ALK: variants seen among roughly 807,000 people sequenced by gnomAD.
The protein encoded by ALK is ALK receptor tyrosine kinase.
Under a neutral mutation model 163.1 loss-of-function variants are expected in ALK, and 74 were observed. The ratio of observed to expected loss-of-function variants is 0.45; its 90% CI spans 0.38 to 0.55. The LOEUF is 0.55. Ranked by LOEUF, ALK falls within the 20% of genes least tolerant of loss-of-function variation. The probability of loss-of-function intolerance (pLI) is 0.00; values close to 1 mark genes in which losing one functional copy is unlikely to be tolerated. For missense variants in ALK, 2,063 were observed against 2,105.3 expected (o/e 0.98, Z 0.39); for synonymous variants, 960 against 843.2 (o/e 1.14, Z -2.40).
At chr2:29,798,454 T>C (rs1395783564) in intron 1 of ALK, among the ~76,000 whole-genome samples, 1 of 152,258 alleles carries the variant, frequency 6.6e-6, no homozygotes, top group Non-Finnish European at 1.5e-5. Flanking sequence ...GTTTAAAATT[T>C]AGAAACCATA....
At chr2:29,646,562 GC>G (rs1490380249) in intron 3 of ALK, among the ~76,000 whole-genome samples, 1 of 152,070 alleles carries the variant, frequency 6.6e-6, no homozygotes, top group Non-Finnish European at 1.5e-5. Flanking sequence ...CTGCCCTGAA[GC>G]CTCTTTGACC....
In ALK at chr2:29,900,603, A is replaced by G. The variant is rs141115975; in HGVS notation, c.667+19390T>C. 2.0e-4 allele frequency among the ~76,000 whole-genome samples: 31 copies of G among 152,346 alleles called. No homozygotes were observed. In the East Asian group the frequency reaches 5.6e-3, roughly 28 times the overall value. On this transcript the variant is annotated intron_variant, in intron 1 of 28. Coordinates refer to ENST00000389048, the MANE Select transcript of ALK (RefSeq NM_004304.5). ...TTGCACAGAGTGGGTACTTCACTCA[A>G]TGTCTATCCGCAGTCAAAATGACAG...
chr2:29,765,365 C>T (rs1370913785), intron 1 of ALK, among the ~76,000 whole-genome samples: 1 of 152,196 alleles, frequency 6.6e-6, no homozygotes, highest in East Asian at 1.9e-4. Context: ...CCCAGCTTCT[C>T]ATGAGCTCTC....
intron 6 of ALK, among the ~76,000 whole-genome samples, chr2:29,325,304 A>G (rs931288070): frequency 6.6e-6 from 1 of 152,104 alleles, no homozygotes; most frequent in East Asian, 1.9e-4. Context: ...AGTCAAGAGT[A>G]TTTTCCTATG....
At chr2:29,588,419 T>C (rs1674951615) in intron 3 of ALK, among the ~76,000 whole-genome samples, 1 of 152,002 alleles carries the variant, frequency 6.6e-6, no homozygotes, top group South Asian at 2.1e-4. Context: ...TTAGTAGAGA[T>C]GGGGTTTTGC....
intron 4 of ALK, among the ~76,000 whole-genome samples, chr2:29,443,497 A>G (rs1190854773): frequency 6.6e-6 from 1 of 151,732 alleles, no homozygotes; most frequent in Admixed American, 6.6e-5. Flanking sequence ...GCTCCCTTCC[A>G]GTTTGGGGGA....
chr2:29,895,266 C>T (rs1253393607), intron 1 of ALK, among the ~76,000 whole-genome samples: 1 of 152,176 alleles, frequency 6.6e-6, no homozygotes, highest in Non-Finnish European at 1.5e-5. Flanking sequence ...GCACTCTGCA[C>T]TGTGGAGGGG....
intron 26 of ALK, among the ~76,000 whole-genome samples, chr2:29,198,639 A>G (rs192896524): frequency 3.2e-4 from 48 of 152,232 alleles, no homozygotes; most frequent in Admixed American, 7.2e-4. Flanking sequence ...CTGTTCATCT[A>G]CCAGCACCAT....
At chr2:29,780,591 G>A (rs1254744132) in intron 1 of ALK, among the ~76,000 whole-genome samples, 1 of 152,240 alleles carries the variant, frequency 6.6e-6, no homozygotes, top group East Asian at 1.9e-4. Flanking sequence ...ATGGAGTCAG[G>A]AATGCACAGG....
chr2:29,630,646 A>C (rs2148236688), intron 3 of ALK, among the ~76,000 whole-genome samples: 1 of 152,306 alleles, frequency 6.6e-6, no homozygotes, highest in Non-Finnish European at 1.5e-5. Flanking sequence ...TATATAAACC[A>C]CCAGGTATCA....
intron 8 of ALK, among the ~76,000 whole-genome samples, chr2:29,300,531 G>C (rs533577790): frequency 7.0e-6 from 1 of 143,520 alleles, no homozygotes; most frequent in East Asian, 2.0e-4. Flanking sequence ...CTCTAGCCTG[G>C]GTGACAGAGC....
chr2:29,440,105 G>A (rs1670499782), intron 4 of ALK, among the ~76,000 whole-genome samples: 1 of 151,806 alleles, frequency 6.6e-6, no homozygotes, highest in Non-Finnish European at 1.5e-5. Context: ...GTACTGGTGA[G>A]TGTCTGTAAT....
intron 1 of ALK, among the ~76,000 whole-genome samples, chr2:29,912,134 C>T (rs1667720817): frequency 6.6e-6 from 1 of 151,990 alleles, no homozygotes; most frequent in East Asian, 1.9e-4. Context: ...GGAGATCTAA[C>T]AGGTGTGTAA....
chr2:29,328,147 A>G (rs1667328978), intron 6 of ALK, among the ~76,000 whole-genome samples: 1 of 152,204 alleles, frequency 6.6e-6, no homozygotes, highest in Non-Finnish European at 1.5e-5. Flanking sequence ...TTCTTGACTT[A>G]TATGACTACG....
intron 1 of ALK, among the ~76,000 whole-genome samples, chr2:29,853,604 C>A (rs11886603): frequency 1.6e-4 from 25 of 152,198 alleles, no homozygotes; most frequent in Non-Finnish European, 3.2e-4. Flanking sequence ...CCCTACCTAC[C>A]ACTCTCCATG....
At chr2:29,270,782 G>A (rs1423255684) in intron 11 of ALK, among the ~76,000 whole-genome samples, 2 of 152,178 alleles carry the variant, frequency 1.3e-5, no homozygotes, top group Non-Finnish European at 2.9e-5. Context: ...GGGGAAAGCT[G>A]TTAATGATGC....
At chr2:29,637,995 A>T (rs1195780288) in intron 3 of ALK, among the ~76,000 whole-genome samples, 1 of 142,574 alleles carries the variant, frequency 7.0e-6, no homozygotes, top group African/African-American at 2.5e-5. Context: ...AAAAAAAATC[A>T]ATGTATATGT....
chr2:29,781,915 G>A (rs1681340630), intron 1 of ALK, among the ~76,000 whole-genome samples: 2 of 152,200 alleles, frequency 1.3e-5, no homozygotes, highest in Admixed American at 1.3e-4. Flanking sequence ...TGGGCCCACA[G>A]TGGTCGCCCC....
intron 23 of ALK, among the ~76,000 whole-genome samples, chr2:29,216,749 G>A (rs542981064): frequency 1.1e-4 from 16 of 151,464 alleles, no homozygotes; most frequent in Admixed American, 4.6e-4. Context: ...TTTTGTGTAC[G>A]TGTGTGGTTT....
Sources: gnomAD v4.1 joint callset for allele counts (sites outside exome capture counted in the v4.1 genomes callset) on GRCh38, gnomAD v4.1.1 for gene constraint, MANE v1.5 for transcripts, NCBI Gene and HGNC (gene_info 2026-07-23, HGNC 2026-07-21) for gene names.